The following CHODL variants were observed in gnomAD, a reference collection of about 807,000 sequenced individuals.
CHODL encodes the protein transmembrane protein MT75.
Under a neutral mutation model 34.5 loss-of-function variants are expected in CHODL, and 29 were observed. The ratio of observed to expected loss-of-function variants is 0.84; its 90% confidence interval spans 0.63 to 1.15. CHODL has a LOEUF of 1.15. Among genes scored for constraint, CHODL ranks in the 50% most tolerant of loss-of-function variants. CHODL has a pLI of 0.00. For synonymous variants in CHODL, 125 were observed against 116.1 expected (o/e 1.08, Z -0.49); for missense variants, 332 against 332.5 (o/e 1.00, Z 0.01).
chr21:18,258,284 G>C (rs1042291889), intron 3 of CHODL, among the ~76,000 whole-genome samples: 1 of 151,788 alleles, frequency 6.6e-6, no homozygotes, highest in African/African-American at 2.4e-5. Flanking sequence ...TCTGTTATGC[G>C]CTTATGTCCT....
intron 1 of CHODL, among the ~76,000 whole-genome samples, chr21:17,998,332 T>C (rs1450066547): frequency 1.3e-5 from 2 of 152,194 alleles, no homozygotes; most frequent in East Asian, 3.9e-4. Flanking sequence ...CTGGCTGCTT[T>C]CATGGGCTGG....
intron 1 of CHODL, among the ~76,000 whole-genome samples, chr21:18,256,115 G>C (rs1201418688): frequency 6.6e-6 from 1 of 151,906 alleles, no homozygotes; most frequent in East Asian, 1.9e-4. Context: ...TATATTACTT[G>C]TTTTTGATAA....
At chr21:18,138,379 T>A (rs2072760815) in intron 2 of CHODL, among the ~76,000 whole-genome samples, 1 of 152,192 alleles carries the variant, frequency 6.6e-6, no homozygotes, top group Non-Finnish European at 1.5e-5. Context: ...TTTCATAGTG[T>A]TTACAACATT....
chr21:17,944,982 G>A (rs973635551), intron 1 of CHODL, among the ~76,000 whole-genome samples: 9 of 152,170 alleles, frequency 5.9e-5, no homozygotes, highest in African/African-American at 1.2e-4. Flanking sequence ...GGGCCAAGGC[G>A]GGTGGATCAC....
intron 2 of CHODL, among the ~76,000 whole-genome samples, chr21:18,213,649 A>C (rs1413392688): frequency 3.3e-5 from 5 of 152,072 alleles, no homozygotes; most frequent in African/African-American, 9.6e-5. Flanking sequence ...AAGGATGGAG[A>C]AAATAAGACT....
chr21:18,093,494 T>C (rs949311575), intron 2 of CHODL, among the ~76,000 whole-genome samples: 2 of 126,756 alleles, frequency 1.6e-5, no homozygotes, highest in African/African-American at 4.9e-5. Flanking sequence ...AAAGAATAAA[T>C]TATGAACCAA....
At chr21:18,018,490 C>T (rs375130054) in intron 1 of CHODL, among the ~76,000 whole-genome samples, 27 of 152,152 alleles carry the variant, frequency 1.8e-4, no homozygotes, top group African/African-American at 5.8e-4. Context: ...GGCACCTTCA[C>T]CCCCACTCTC....
intron 1 of CHODL, among the ~76,000 whole-genome samples, chr21:18,251,406 T>C (rs1484435319): frequency 1.5e-5 from 1 of 68,240 alleles, no homozygotes; most frequent in East Asian, 3.0e-4. Context: ...ATATAAAATA[T>C]GTATTTTATT....
chr21:18,196,168 A>G (rs548314437), intron 2 of CHODL, among the ~76,000 whole-genome samples: 4 of 152,284 alleles, frequency 2.6e-5, no homozygotes, highest in African/African-American at 7.2e-5. Context: ...ATCAATCTCT[A>G]TTTTGAACTG....
intron 5 of CHODL, among the ~76,000 whole-genome samples, chr21:18,264,941 A>C (rs1208872600): frequency 6.6e-6 from 1 of 152,128 alleles, no homozygotes; most frequent in African/African-American, 2.4e-5. Context: ...AGGCACATCC[A>C]TACACATAGT....
At chr21:18,027,625 A>T (rs1320038566) in intron 1 of CHODL, among the ~76,000 whole-genome samples, 1 of 152,120 alleles carries the variant, frequency 6.6e-6, no homozygotes, top group East Asian at 1.9e-4. Context: ...TGTTCTTTTT[A>T]GCTTGCTTCT....
At chr21:17,998,039 C>G (rs1417347477) in intron 1 of CHODL, among the ~76,000 whole-genome samples, 1 of 152,212 alleles carries the variant, frequency 6.6e-6, no homozygotes, top group Non-Finnish European at 1.5e-5. Flanking sequence ...GTCCCTTCCA[C>G]CTATGAGCCT....
intron 2 of CHODL, among the ~76,000 whole-genome samples, chr21:18,051,112 T>C (rs2064509358): frequency 6.6e-6 from 1 of 151,926 alleles, no homozygotes; most frequent in Non-Finnish European, 1.5e-5. Context: ...TGGTGTGTGA[T>C]GTTCCCCTCC....
At chr21:18,141,970 T>G (rs2072809266) in intron 2 of CHODL, among the ~76,000 whole-genome samples, 1 of 152,140 alleles carries the variant, frequency 6.6e-6, no homozygotes, top group East Asian at 1.9e-4. Flanking sequence ...AATTTAAATG[T>G]TGAACAGATC....
chr21:18,151,377 A>G (rs1443608516), intron 2 of CHODL, among the ~76,000 whole-genome samples: 5 of 152,198 alleles, frequency 3.3e-5, no homozygotes, highest in African/African-American at 4.8e-5. Flanking sequence ...GAGGGCTTCT[A>G]TATAGCTGGA....
intron 2 of CHODL, among the ~76,000 whole-genome samples, chr21:18,161,651 C>T (rs983660706): frequency 6.6e-6 from 1 of 152,060 alleles, no homozygotes; most frequent in Non-Finnish European, 1.5e-5. Flanking sequence ...ACACATTGTT[C>T]ACTTCTCTGT....
At chr21:18,078,505 A>C (rs2064894554) in intron 2 of CHODL, among the ~76,000 whole-genome samples, 1 of 152,230 alleles carries the variant, frequency 6.6e-6, no homozygotes, top group East Asian at 1.9e-4. Flanking sequence ...CAAATGGTTT[A>C]GAATATTAAA....
chr21:18,154,036 A>G (rs963676227), intron 2 of CHODL, among the ~76,000 whole-genome samples: 2 of 152,150 alleles, frequency 1.3e-5, no homozygotes, highest in African/African-American at 2.4e-5. Context: ...TGAGATGTTT[A>G]TGTGTCTCAG....
intron 1 of CHODL, among the ~76,000 whole-genome samples, chr21:18,027,581 A>ACT (rs2064189585): frequency 6.6e-6 from 1 of 152,152 alleles, no homozygotes; most frequent in African/African-American, 2.4e-5. Context: ...GAACTTAGGT[A>ACT]AAGTGCGATG....
Sources: gnomAD v4.1 joint callset for allele counts (sites outside exome capture counted in the v4.1 genomes callset) on GRCh38, gnomAD v4.1.1 for gene constraint, MANE v1.5 for transcripts, NCBI Gene and HGNC (gene_info 2026-07-23, HGNC 2026-07-21) for gene names.